Variants in TTC17 observed in about 807,000 individuals in gnomAD.
The protein encoded by TTC17 is tetratricopeptide repeat protein 17.
TTC17 carries 58 observed loss-of-function variants against 143.8 expected under a neutral mutation model. That is an observed-to-expected ratio of 0.40 (90% CI 0.33 to 0.50). The LOEUF is 0.50. Ranked by LOEUF, TTC17 falls within the 20% of genes least tolerant of loss-of-function variation. The pLI, the probability that TTC17 is intolerant of heterozygous loss-of-function variation, is 0.49. For missense variants in TTC17, 1,273 were observed against 1,392.5 expected (o/e 0.91, Z 1.37); for synonymous variants, 501 against 497.8 (o/e 1.01, Z -0.09).
chr11:43,362,945 C>T (rs1856177050), intron 1 of TTC17, among the ~76,000 whole-genome samples: 1 of 152,186 alleles, frequency 6.6e-6, no homozygotes, highest in Non-Finnish European at 1.5e-5. Context: ...CTAAGAGAAA[C>T]CCCGTCTTCT....
chr11:43,379,069 T>C (rs1199849023), intron 1 of TTC17, 164 bp from the exon 2 acceptor site: 2 of 657,744 alleles, frequency 3.0e-6, no homozygotes, highest in East Asian at 2.8e-5. Context: ...TTCCCTTTGC[T>C]AACATTTACA....
intron 21 of TTC17, chr11:43,490,008 C>T (rs1012046841): frequency 2.9e-6 from 1 of 347,364 alleles, no homozygotes; most frequent in Non-Finnish European, 5.1e-6. Context: ...CACTTAAGCT[C>T]TCTGAGTCAT....
intron 1 of TTC17, among the ~76,000 whole-genome samples, chr11:43,378,052 C>T (rs939783379): frequency 5.9e-5 from 9 of 152,082 alleles, no homozygotes; most frequent in South Asian, 4.1e-4. Flanking sequence ...TACAGTCCTG[C>T]GCCACCATGC....
intron 6 of TTC17, chr11:43,397,129 A>G (rs1237577399): frequency 3.9e-5 from 20 of 518,630 alleles, no homozygotes; most frequent in Non-Finnish European, 1.0e-5. Flanking sequence ...TAAGCCCTAA[A>G]TAAATTGTAA....
At chr11:43,407,323 T>C in intron 14 of TTC17, 30 bp from the exon 15 acceptor site, 1 of 1,605,452 alleles carries the variant, frequency 6.2e-7, no homozygotes, top group Middle Eastern at 1.7e-4. Context: ...TGTATTCTTG[T>C]ACTAACTGAA....
intron 9 of TTC17, among the ~76,000 whole-genome samples, chr11:43,400,651 T>C (rs1223142238): frequency 1.3e-5 from 2 of 152,198 alleles, no homozygotes; most frequent in African/African-American, 2.4e-5. Context: ...TCTGAAATCC[T>C]CTCCAAAATT....
rs528209170 is a variant in TTC17 at position 43,372,971 on chromosome 11, A to G, written c.160-6262A>G. ...GGAATAGAGAGAGGAAGGAAATAAT[A>G]TAGTAGATATATTATTATCGTATTT... On this transcript the variant is annotated intron_variant, in intron 1 of 23. Coordinates refer to ENST00000039989, the MANE Select transcript of TTC17 (RefSeq NM_018259.6). Among the ~76,000 whole-genome samples the G allele has an allele frequency of 1.3e-3, 191 of 152,296 alleles. 1 individual carries two copies. The highest frequency in any genetic ancestry group is 4.3e-3 in the African/African-American group (177 of 41,562).
At chr11:43,396,516 A>C in intron 5 of TTC17, 193 bp from the exon 6 acceptor site, 1 of 371,244 alleles carries the variant, frequency 2.7e-6, no homozygotes, top group Non-Finnish European at 4.8e-6. Context: ...TGCTCAGCTG[A>C]TGATTAGAAT....
chr11:43,489,036 A>G (rs1948426765), intron 21 of TTC17, among the ~76,000 whole-genome samples: 1 of 152,152 alleles, frequency 6.6e-6, no homozygotes, highest in Non-Finnish European at 1.5e-5. Flanking sequence ...ACAACTGAAA[A>G]TCCAGAAGTC....
chr11:43,372,674 A>T (rs1856614653), intron 1 of TTC17, among the ~76,000 whole-genome samples: 2 of 151,962 alleles, frequency 1.3e-5, no homozygotes, highest in African/African-American at 4.8e-5. Flanking sequence ...TAATTTTAAT[A>T]GAGATGGGGT....
chr11:43,488,507 G>A (rs1948417423), intron 21 of TTC17, among the ~76,000 whole-genome samples: 1 of 150,724 alleles, frequency 6.6e-6, no homozygotes, highest in Non-Finnish European at 1.5e-5. Context: ...TATAGTAAAG[G>A]TAGTATCTCA....
intron 1 of TTC17, among the ~76,000 whole-genome samples, chr11:43,369,327 A>G (rs985721518): frequency 4.3e-4 from 65 of 152,204 alleles, no homozygotes; most frequent in African/African-American, 1.6e-3. Flanking sequence ...CTGCAACACT[A>G]TAGATGTTCA....
rs1341283120 is a variant in TTC17, at chr11:43,358,928, T to C, written c.-27T>C. 1.9e-6 allele frequency: 3 copies of C among 1,551,610 alleles called. No individual in the cohort carries two copies. The highest frequency in any genetic ancestry group is 2.6e-6 in the Non-Finnish European group (3 of 1,150,184). On this transcript the variant is annotated 5_prime_UTR_variant, in exon 1 of 24. Coordinates refer to ENST00000039989, the MANE Select transcript of TTC17 (RefSeq NM_018259.6). ...GCCGGAGACTAGCTTCCGCTTCCGGTGTGAGCGGCCCGGCCGGGGGGGCAA... is the reference window on the plus strand; with the variant it reads ...GCCGGAGACTAGCTTCCGCTTCCGGCGTGAGCGGCCCGGCCGGGGGGGCAA...
intron 21 of TTC17, among the ~76,000 whole-genome samples, chr11:43,468,680 A>G (rs1260481888): frequency 6.6e-6 from 1 of 152,178 alleles, no homozygotes; most frequent in Non-Finnish European, 1.5e-5. Context: ...GACACCTCCA[A>G]TCCCATCACC....
intron 2 of TTC17, among the ~76,000 whole-genome samples, chr11:43,388,654 C>T (rs1289249642): frequency 6.6e-6 from 1 of 150,784 alleles, no homozygotes; most frequent in African/African-American, 2.4e-5. Flanking sequence ...GCCTGGGCAA[C>T]ATAGTGAGAC....
At chr11:43,427,369 A>C (rs1947052850) in intron 16 of TTC17, among the ~76,000 whole-genome samples, 1 of 152,200 alleles carries the variant, frequency 6.6e-6, no homozygotes. Flanking sequence ...ATTGAATCAG[A>C]AAGATATGTT....
intron 7 of TTC17, among the ~76,000 whole-genome samples, chr11:43,397,761 C>G (rs1857663492): frequency 6.6e-6 from 1 of 151,858 alleles, no homozygotes; most frequent in African/African-American, 2.4e-5. Flanking sequence ...CTAAACCATC[C>G]TATAGTATGC....
At chr11:43,479,698 T>G (rs1335320443) in intron 21 of TTC17, among the ~76,000 whole-genome samples, 1 of 151,970 alleles carries the variant, frequency 6.6e-6, no homozygotes, top group African/African-American at 2.4e-5. Context: ...CAAATTTGAT[T>G]TAGAGAATTG....
intron 21 of TTC17, among the ~76,000 whole-genome samples, chr11:43,471,525 G>A (rs374500686): frequency 8.1e-4 from 123 of 152,320 alleles, no homozygotes; most frequent in African/African-American, 2.9e-3. Flanking sequence ...GCTGCAGTTT[G>A]GTTTCTGGTC....
Sources: gnomAD v4.1 joint callset for allele counts (sites outside exome capture counted in the v4.1 genomes callset) on GRCh38, gnomAD v4.1.1 for gene constraint, MANE v1.5 for transcripts, NCBI Gene and HGNC (gene_info 2026-07-23, HGNC 2026-07-21) for gene names.